The following NTM variants were observed in gnomAD, a reference collection of about 807,000 sequenced individuals.
The protein encoded by NTM is IgLON family member 2.
A neutral mutation model predicts 42.1 loss-of-function variants in NTM; 13 were observed. The observed-to-expected ratio is 0.31, with a 90% CI of 0.20 to 0.49. The LOEUF (loss-of-function observed/expected upper bound fraction) is 0.49. Ranked by LOEUF, NTM falls within the 20% of genes least tolerant of loss-of-function variation. NTM has a pLI of 0.99. For missense variants in NTM, 373 were observed against 452.8 expected, an observed-to-expected ratio of 0.82 and a Z score of 1.60; for synonymous variants, 187 against 179.2, an observed-to-expected ratio of 1.04 and a Z score of -0.35.
intron 2 of NTM, among the ~76,000 whole-genome samples, chr11:131,977,167 C>T: frequency 6.6e-6 from 1 of 152,348 alleles, no homozygotes; most frequent in Middle Eastern, 3.4e-3. Context: ...TCTGCTACCC[C>T]ACTCACCAGT....
chr11:131,825,689 T>C (rs2136466784), intron 1 of NTM, among the ~76,000 whole-genome samples: 1 of 151,970 alleles, frequency 6.6e-6, no homozygotes, highest in African/African-American at 2.4e-5. Context: ...TGGAGAAAAA[T>C]TGATAGATTG....
intron 1 of NTM, among the ~76,000 whole-genome samples, chr11:131,690,890 G>A (rs1418816341): frequency 2.0e-5 from 3 of 152,190 alleles, no homozygotes; most frequent in Non-Finnish European, 2.9e-5. Flanking sequence ...CCATCAGAGC[G>A]GAGAGAAATG....
At chr11:131,609,866 A>G (rs897552364) in intron 1 of NTM, among the ~76,000 whole-genome samples, 6 of 152,216 alleles carry the variant, frequency 3.9e-5, no homozygotes, top group Non-Finnish European at 8.8e-5. Context: ...GACCAAACAC[A>G]GGCTTTCCAT....
chr11:132,138,855 C>A (rs1464356440), intron 2 of NTM, among the ~76,000 whole-genome samples: 1 of 152,166 alleles, frequency 6.6e-6, no homozygotes, highest in East Asian at 1.9e-4. Context: ...ATGAAGCCTG[C>A]TGATCATCTC....
chr11:131,791,092 G>A (rs1360677776), intron 1 of NTM, among the ~76,000 whole-genome samples: 1 of 152,062 alleles, frequency 6.6e-6, no homozygotes. Flanking sequence ...TGTACAAGTT[G>A]GCAAAAAACA....
At chr11:131,653,232 T>C (rs141213727) in intron 1 of NTM, among the ~76,000 whole-genome samples, 1 of 151,422 alleles carries the variant, frequency 6.6e-6, no homozygotes, top group East Asian at 2.0e-4. Context: ...TTATCTTTTT[T>C]TTTTCTTCCT....
At chr11:131,584,695 T>C (rs574086952) in intron 1 of NTM, among the ~76,000 whole-genome samples, 3 of 152,364 alleles carry the variant, frequency 2.0e-5, no homozygotes, top group East Asian at 1.9e-4. Context: ...GCCCAAGATA[T>C]CTGCAATTTT....
intron 1 of NTM, among the ~76,000 whole-genome samples, chr11:131,543,172 C>G (rs142350284): frequency 3.8e-4 from 58 of 152,342 alleles, no homozygotes; most frequent in African/African-American, 1.3e-3. Flanking sequence ...AGAGACTCCT[C>G]TCTACATCAA....
chr11:132,139,457 T>G (rs968380151), intron 2 of NTM, among the ~76,000 whole-genome samples: 1 of 152,216 alleles, frequency 6.6e-6, no homozygotes, highest in Non-Finnish European at 1.5e-5. Flanking sequence ...GTTGTGCCAT[T>G]CATTTCAGAA....
rs79016283 is a variant in NTM, at chr11:131,674,791, C to T, written c.83-236773C>T. The stretch of plus-strand genomic sequence containing the variant: ...CTGAAAGACAGAAAAACCTTCCCCG[C>T]GGGATATAGGTTATCAGGCACCTAA... On this transcript the variant is annotated intron_variant, in intron 1 of 8. Transcript: ENST00000683400. 2.0e-3 allele frequency among the ~76,000 whole-genome samples: 310 copies of T among 152,232 alleles called. 4 individuals carry two copies. Among genetic ancestry groups the T allele is most frequent in the African/African-American group, 6.8e-3 (283 of 41,530 alleles).
intron 1 of NTM, among the ~76,000 whole-genome samples, chr11:131,478,842 A>C (rs1014678835): frequency 6.6e-6 from 1 of 152,258 alleles, no homozygotes; most frequent in Non-Finnish European, 1.5e-5. Context: ...GAAAGCAGCA[A>C]AGTGCTTCTT....
intron 2 of NTM, among the ~76,000 whole-genome samples, chr11:132,087,127 G>A (rs905012719): frequency 7.9e-5 from 12 of 152,052 alleles, no homozygotes; most frequent in Non-Finnish European, 1.0e-4. Flanking sequence ...AGAAAAAAAC[G>A]TCCTTTTTCC....
At chr11:131,579,974 G>T (rs1281535498) in intron 1 of NTM, among the ~76,000 whole-genome samples, 5 of 152,186 alleles carry the variant, frequency 3.3e-5, no homozygotes, top group Admixed American at 6.5e-5. Flanking sequence ...CATCTTCGCA[G>T]TCATTCCTGG....
intron 2 of NTM, among the ~76,000 whole-genome samples, chr11:132,007,451 C>T (rs952558785): frequency 6.6e-6 from 1 of 152,138 alleles, no homozygotes; most frequent in Non-Finnish European, 1.5e-5. Flanking sequence ...CGAAGCACAG[C>T]AACTTGTGAT....
intron 1 of NTM, among the ~76,000 whole-genome samples, chr11:131,420,016 G>A (rs977631538): frequency 1.3e-5 from 2 of 152,146 alleles, no homozygotes; most frequent in Non-Finnish European, 2.9e-5. Context: ...ACCAGGTACC[G>A]TGTCCTCCTC....
At chr11:132,230,285 A>G (rs1280161456) in intron 4 of NTM, among the ~76,000 whole-genome samples, 1 of 152,250 alleles carries the variant, frequency 6.6e-6, no homozygotes, top group African/African-American at 2.4e-5. Flanking sequence ...TATCTGACAG[A>G]ACTTTACCTA....
At chr11:132,046,087 C>A in intron 2 of NTM, among the ~76,000 whole-genome samples, 1 of 152,136 alleles carries the variant, frequency 6.6e-6, no homozygotes, top group East Asian at 1.9e-4. Flanking sequence ...GTGAGTTACT[C>A]AACATATTCA....
intron 2 of NTM, among the ~76,000 whole-genome samples, chr11:132,107,153 A>G (rs2062484236): frequency 6.6e-6 from 1 of 152,044 alleles, no homozygotes; most frequent in African/African-American, 2.4e-5. Context: ...ACCCCTGGCC[A>G]AAAGAAAGAC....
intron 2 of NTM, among the ~76,000 whole-genome samples, chr11:131,972,894 T>C (rs1720030437): frequency 6.6e-6 from 1 of 152,194 alleles, no homozygotes; most frequent in Non-Finnish European, 1.5e-5. Flanking sequence ...TTTGAACGTG[T>C]CTCATTCAGC....
Sources: allele counts gnomAD v4.1 joint callset (sites outside exome capture counted in the v4.1 genomes callset), GRCh38; gene constraint gnomAD v4.1.1; transcripts MANE v1.5; gene names NCBI Gene and HGNC (gene_info 2026-07-23, HGNC 2026-07-21).